The following FMNL2 variants were observed in gnomAD, a reference collection of about 807,000 sequenced individuals.
FMNL2 encodes formin like 2.
In FMNL2, 51 loss-of-function variants were observed where a neutral mutation model predicts 130.2. The ratio of observed to expected loss-of-function variants is 0.39; its 90% confidence interval spans 0.31 to 0.49. The LOEUF (loss-of-function observed/expected upper bound fraction) is 0.49, where lower values mean the gene tolerates loss of function less well. FMNL2 is among the 20% of genes least tolerant of loss of function. The pLI, the probability that FMNL2 is intolerant of heterozygous loss-of-function variation, is 0.85. For missense variants in FMNL2, 977 were observed against 1,316.2 expected (o/e 0.74, Z 3.99); for synonymous variants, 465 against 467.1 (o/e 1.00, Z 0.06).
intron 1 of FMNL2, among the ~76,000 whole-genome samples, chr2:152,469,307 G>T (rs1689729197): frequency 6.6e-6 from 1 of 152,214 alleles, no homozygotes; most frequent in African/African-American, 2.4e-5. Flanking sequence ...GAGGAAGTCA[G>T]TGCCTCTGGA....
intron 1 of FMNL2, among the ~76,000 whole-genome samples, chr2:152,367,531 A>G (rs2105844943): frequency 6.6e-6 from 1 of 152,260 alleles, no homozygotes; most frequent in East Asian, 1.9e-4. Context: ...GGCATCAGAG[A>G]AGTCACTTAG....
intron 1 of FMNL2, among the ~76,000 whole-genome samples, chr2:152,504,712 G>A (rs933133751): frequency 6.6e-6 from 1 of 152,144 alleles, no homozygotes; most frequent in Non-Finnish European, 1.5e-5. Context: ...TTTATCAGTA[G>A]ACCTAAGAAA....
At chr2:152,645,724 C>A (rs985427271) in intron 25 of FMNL2, among the ~76,000 whole-genome samples, 30 of 147,010 alleles carry the variant, frequency 2.0e-4, no homozygotes, top group Non-Finnish European at 3.0e-4. Flanking sequence ...ATGGCTTGGG[C>A]AAGGGTATTT....
chr2:152,527,564 C>T (rs189151459), intron 2 of FMNL2, among the ~76,000 whole-genome samples: 76 of 151,876 alleles, frequency 5.0e-4, no homozygotes, highest in African/African-American at 1.7e-3. Flanking sequence ...TGGAATTTTT[C>T]CCCTCAATTG....
At chr2:152,419,840 T>C (rs1306026320) in intron 1 of FMNL2, among the ~76,000 whole-genome samples, 1 of 152,094 alleles carries the variant, frequency 6.6e-6, no homozygotes, top group Non-Finnish European at 1.5e-5. Flanking sequence ...ATACACTTGC[T>C]GGAAGCTGCA....
At chr2:152,421,640 A>T (rs796595881) in intron 1 of FMNL2, among the ~76,000 whole-genome samples, 78 of 152,292 alleles carry the variant, frequency 5.1e-4, no homozygotes, top group African/African-American at 1.8e-3. Flanking sequence ...TTCACCTAGG[A>T]ACTTCGAGAA....
At chr2:152,395,051 A>G (rs1685318737) in intron 1 of FMNL2, among the ~76,000 whole-genome samples, 1 of 152,224 alleles carries the variant, frequency 6.6e-6, no homozygotes, top group Non-Finnish European at 1.5e-5. Context: ...GAATGCTGTT[A>G]GAGTGTCAAG....
intron 2 of FMNL2, among the ~76,000 whole-genome samples, chr2:152,530,146 A>G (rs938734056): frequency 1.3e-5 from 2 of 152,218 alleles, no homozygotes; most frequent in Non-Finnish European, 2.9e-5. Flanking sequence ...AAAGTTTATC[A>G]TATGAATGAC....
intron 20 of FMNL2, among the ~76,000 whole-genome samples, chr2:152,630,352 G>A (rs187863084): frequency 1.5e-4 from 23 of 152,332 alleles, no homozygotes; most frequent in Admixed American, 1.4e-3. Context: ...AACTATGTGG[G>A]GAGAAAGACT....
chr2:152,637,719 C>T (rs370519775), intron 23 of FMNL2, 45 bp downstream of exon 23: 29 of 1,543,386 alleles, frequency 1.9e-5, no homozygotes, highest in Middle Eastern at 1.7e-4. Flanking sequence ...AAGCAATTGC[C>T]CTCCTTGAGA....
intron 1 of FMNL2, among the ~76,000 whole-genome samples, chr2:152,434,326 A>G (rs1687637644): frequency 6.6e-6 from 1 of 152,214 alleles, no homozygotes; most frequent in South Asian, 2.1e-4. Context: ...ATGGAGGAAT[A>G]AAGGCATTAG....
At chr2:152,644,002 A>G (rs1047001427) in intron 25 of FMNL2, 3 of 630,616 alleles carry the variant, frequency 4.8e-6, no homozygotes, top group Non-Finnish European at 5.9e-6. Flanking sequence ...GGCTGAGGCA[A>G]AAGGATCACT....
chr2:152,456,523 C>G (rs1688965017), intron 1 of FMNL2, among the ~76,000 whole-genome samples: 1 of 152,188 alleles, frequency 6.6e-6, no homozygotes, highest in Non-Finnish European at 1.5e-5. Flanking sequence ...AACACATTGT[C>G]TGAAAACTAG....
At chr2:152,447,881 T>C (rs770988809) in intron 1 of FMNL2, among the ~76,000 whole-genome samples, 7 of 152,220 alleles carry the variant, frequency 4.6e-5, no homozygotes, top group Non-Finnish European at 1.0e-4. Context: ...AGTATGCCTG[T>C]GTATTACCAT....
intron 1 of FMNL2, among the ~76,000 whole-genome samples, chr2:152,489,364 G>A (rs1032133467): frequency 3.3e-5 from 5 of 152,214 alleles, no homozygotes; most frequent in African/African-American, 1.2e-4. Context: ...TTCCCTCTGT[G>A]TGCCACTTAA....
At chr2:152,565,571 AT>A in intron 6 of FMNL2, among the ~76,000 whole-genome samples, 1 of 152,158 alleles carries the variant, frequency 6.6e-6, no homozygotes, top group South Asian at 2.1e-4. Context: ...AATCCCGCTC[AT>A]TTTTTCCTTA....
At chr2:152,428,981 C>T (rs1687338883) in intron 1 of FMNL2, among the ~76,000 whole-genome samples, 1 of 151,952 alleles carries the variant, frequency 6.6e-6, no homozygotes, top group South Asian at 2.1e-4. Flanking sequence ...CACATGGGAG[C>T]ATGGTGGGGA....
chr2:152,398,675 C>G (rs1227751482), intron 1 of FMNL2, among the ~76,000 whole-genome samples: 1 of 152,178 alleles, frequency 6.6e-6, no homozygotes, highest in East Asian at 1.9e-4. Context: ...GCTTTATCTT[C>G]TATACACAGT....
intron 1 of FMNL2, among the ~76,000 whole-genome samples, chr2:152,430,188 G>T (rs1687421800): frequency 6.6e-6 from 1 of 152,262 alleles, no homozygotes. Flanking sequence ...AAATAAAGTG[G>T]TTTTCATTTT....
Sources: gnomAD v4.1 joint callset for allele counts (sites outside exome capture counted in the v4.1 genomes callset) on GRCh38, gnomAD v4.1.1 for gene constraint, MANE v1.5 for transcripts, NCBI Gene and HGNC (gene_info 2026-07-23, HGNC 2026-07-21) for gene names.